SERHL2: variants seen among roughly 807,000 people sequenced by gnomAD.
The protein encoded by SERHL2 is serine hydrolase like 2.
SERHL2 carries 29 observed loss-of-function variants against 25.5 expected under a neutral mutation model. The ratio of observed to expected loss-of-function variants is 1.14; its 90% CI spans 0.85 to 1.55. The LOEUF (loss-of-function observed/expected upper bound fraction) is 1.55, where lower values mean the gene tolerates loss of function less well. Among genes scored for constraint, SERHL2 ranks in the 40% most tolerant of loss-of-function variants. SERHL2 has a pLI of 0.00. For synonymous variants in SERHL2, 95 were observed against 103.5 expected (o/e 0.92, Z 0.50); for missense variants, 240 against 252.3 (o/e 0.95, Z 0.33).
chr22:42,564,643 C>T (rs1195606466), intron 8 of SERHL2, among the ~76,000 whole-genome samples: 1 of 151,790 alleles, frequency 6.6e-6, no homozygotes, highest in Non-Finnish European at 1.5e-5. Context: ...GTTGGCCAGG[C>T]TGGTCTCGAA....
At chr22:42,568,061 G>A (rs1923648847) in intron 9 of SERHL2, among the ~76,000 whole-genome samples, 1 of 151,910 alleles carries the variant, frequency 6.6e-6, no homozygotes, top group Non-Finnish European at 1.5e-5. Flanking sequence ...GTCTCCCTCT[G>A]TCACCCGGAC....
chr22:42,569,293 CTG>C (rs907235399), intron 9 of SERHL2: 1 of 151,818 alleles, frequency 6.6e-6, no homozygotes, highest in African/African-American at 2.4e-5. Context: ...AAGTCTTACT[CTG>C]TCATCCAGGG....
chr22:42,560,108 C>T (rs7288003), intron 7 of SERHL2, 78 bp from the exon 8 acceptor site: 26,598 of 1,073,470 alleles, frequency 0.025, 637 homozygotes, highest in Middle Eastern at 0.04. Flanking sequence ...CACCGTCCCC[C>T]CCGGCCCTCC....
rs1445587557 is a variant in SERHL2, at chr22:42,574,205, A to C, written c.*150A>C. 1.5e-6 allele frequency: 1 copy of C among 670,506 alleles called. No homozygotes were observed. The highest frequency in any genetic ancestry group is 2.6e-6 in the Non-Finnish European group (1 of 389,470). The allele number at this position is 670,506 out of a possible 1,614,324, so 41.5% of individuals were successfully genotyped here. On this transcript the variant is annotated 3_prime_UTR_variant, in exon 12 of 12. Transcript: ENST00000327678. ...AGGATGGTAGTCAGGGGAAGGAGCGAGATTCCAACTTCAACATCTGTGACC... is the reference window on the plus strand; with the variant it reads ...AGGATGGTAGTCAGGGGAAGGAGCGCGATTCCAACTTCAACATCTGTGACC...
At chr22:42,560,082 G>T in intron 7 of SERHL2, 104 bp from the exon 8 acceptor site, 2 of 831,676 alleles carry the variant, frequency 2.4e-6, no homozygotes, top group Non-Finnish European at 4.1e-6. Context: ...AAAGTGCTGG[G>T]ATTACAGGCA....
intron 8 of SERHL2, among the ~76,000 whole-genome samples, chr22:42,561,836 A>G (rs1316144436): frequency 6.6e-6 from 1 of 151,706 alleles, no homozygotes; most frequent in Admixed American, 6.6e-5. Context: ...GAAACCCATC[A>G]TGGGGAGGGG....
chr22:42,559,414 T>A (rs137021), intron 7 of SERHL2, among the ~76,000 whole-genome samples: 5 of 149,806 alleles, frequency 3.3e-5, no homozygotes, highest in Admixed American at 2.0e-4. Context: ...TCAATTAGAA[T>A]ACAAGGTCCA....
intron 9 of SERHL2, among the ~76,000 whole-genome samples, chr22:42,567,225 C>G (rs1356115446): frequency 6.6e-6 from 1 of 152,022 alleles, no homozygotes; most frequent in Non-Finnish European, 1.5e-5. Flanking sequence ...AGGCCCAGGC[C>G]AAGAGATGAG....
At chr22:42,569,353 G>C (rs1923842976) in intron 9 of SERHL2, 2 of 151,528 alleles carry the variant, frequency 1.3e-5, no homozygotes, top group Admixed American at 6.6e-5. Flanking sequence ...CTGCCTCCCG[G>C]GTTCAAGCAA....
intron 8 of SERHL2, among the ~76,000 whole-genome samples, chr22:42,562,213 T>G (rs1408456740): frequency 6.6e-6 from 1 of 151,578 alleles, no homozygotes; most frequent in African/African-American, 2.4e-5. Context: ...TCAAGGACAA[T>G]GTAGGTTCCT....
chr22:42,568,893 G>C (rs1923770966), intron 9 of SERHL2, among the ~76,000 whole-genome samples: 1 of 151,576 alleles, frequency 6.6e-6, no homozygotes. Context: ...TTTAACTCGG[G>C]AGGCGGAGAT....
At chr22:42,561,499 G>A (rs1034219357) in intron 8 of SERHL2, among the ~76,000 whole-genome samples, 3 of 151,384 alleles carry the variant, frequency 2.0e-5, no homozygotes, top group Non-Finnish European at 4.4e-5. Flanking sequence ...GGGTGGGGGC[G>A]TGTTGTGGAG....
At chr22:42,559,235 A>C (rs916539006) in intron 7 of SERHL2, among the ~76,000 whole-genome samples, 12 of 138,372 alleles carry the variant, frequency 8.7e-5, no homozygotes, top group Non-Finnish European at 1.4e-4. Flanking sequence ...TATTTAAAAA[A>C]AAAAAAAAAA....
Position 42,560,258 on chromosome 22 carries a change from G to A in SERHL2, c.606G>A (p.Val202=). 1 of 1,609,734 alleles carries A rather than the reference G, an allele frequency of 6.2e-7. No homozygotes were observed. Residue 202 remains valine (V), a synonymous_variant, in exon 8 of 12, where the codon GTG becomes GTA. Transcript: ENST00000327678. ...ELLLQRGTTK[V]ATGLVLNRDQ... ...TCCTGCAAAGAGGAACCACGAAGGTGGCCACAGGTAAGGGACTCTACTGTC... is the reference window on the plus strand; with the variant it reads ...TCCTGCAAAGAGGAACCACGAAGGTAGCCACAGGTAAGGGACTCTACTGTC...
In SERHL2 at chr22:42,573,951, G is replaced by T. The variant is rs1174211170; in HGVS notation, c.841G>T (p.Glu281Ter). 8 of 1,610,450 alleles carry T rather than the reference G, an allele frequency of 5.0e-6. No individual in the cohort carries two copies. The highest frequency in any genetic ancestry group is 1.7e-5 in the Admixed American group (1 of 59,920). ...STLKEQFQFV[E>*]VPGNHCVHMS... ...CCCTCTCCAGCAGTTCCAGTTTGTG[G>T]AAGTCCCAGGCAATCACTGTGTCCA... The change falls in exon 12 of 12, where the codon GAA (glutamate) becomes TAA (stop). Residue 281 changes from glutamate (E) to a stop codon, truncating the protein, a stop_gained. Coordinates refer to ENST00000327678, the MANE Select transcript of SERHL2 (RefSeq NM_014509.5). LOFTEE classifies it low-confidence loss of function (END_TRUNC).
intron 9 of SERHL2, 117 bp downstream of exon 9, chr22:42,566,455 G>A (rs976690276): frequency 8.0e-5 from 78 of 970,536 alleles, no homozygotes; most frequent in Non-Finnish European, 9.6e-6. Flanking sequence ...CTACTCAGGA[G>A]GCTGAGGCAG....
chr22:42,570,548 C>G (rs1023907102), intron 9 of SERHL2, among the ~76,000 whole-genome samples: 20 of 152,192 alleles, frequency 1.3e-4, no homozygotes, highest in African/African-American at 4.6e-4. Flanking sequence ...CGTGTCACAC[C>G]TACAGCACAT....
At chr22:42,559,367 C>G (rs576640582) in intron 7 of SERHL2, among the ~76,000 whole-genome samples, 7 of 151,338 alleles carry the variant, frequency 4.6e-5, no homozygotes, top group Admixed American at 1.3e-4. Context: ...GATCATGCCA[C>G]TGCACTCCAG....
chr22:42,554,252 A>G (rs1156396160), intron 1 of SERHL2, among the ~76,000 whole-genome samples: 1 of 152,070 alleles, frequency 6.6e-6, no homozygotes, highest in African/African-American at 2.4e-5. Flanking sequence ...CCAGGGTTCC[A>G]GGAGCCCCTG....
Sources: gnomAD v4.1 joint callset for allele counts (sites outside exome capture counted in the v4.1 genomes callset) on GRCh38, gnomAD v4.1.1 for gene constraint, MANE v1.5 for transcripts, NCBI Gene and HGNC (gene_info 2026-07-23, HGNC 2026-07-21) for gene names.